Variants in ZHX2 observed in about 807,000 individuals in gnomAD.
The protein encoded by ZHX2 is zinc fingers and homeoboxes protein 2.
In ZHX2, 6 loss-of-function variants were observed where a neutral mutation model predicts 21.9. The observed-to-expected ratio is 0.27, with a 90% CI of 0.15 to 0.54. The LOEUF (loss-of-function observed/expected upper bound fraction) is 0.54. Ranked by LOEUF, ZHX2 falls within the 20% of genes least tolerant of loss-of-function variation. The probability of loss-of-function intolerance (pLI) is 0.95; values close to 1 mark genes in which losing one functional copy is unlikely to be tolerated. For synonymous variants in ZHX2, 434 were observed against 437.1 expected (o/e 0.99, Z 0.09); for missense variants, 908 against 1,090.7 (o/e 0.83, Z 2.36).
upstream of ZHX2, chr8:122,781,214 C>A (rs1299348905): frequency 1.3e-5 from 2 of 152,302 alleles, no homozygotes; most frequent in Non-Finnish European, 2.9e-5. This position sits in a 1 kb window ranked among gnomAD's most constrained non-coding sequence, Gnocchi z 4.6. Flanking sequence ...AGAGCCGGGC[C>A]TGCAAGCGCG....
At chr8:122,934,834 A>G (rs1489150980) in intron 2 of ZHX2, among the ~76,000 whole-genome samples, 1 of 152,114 alleles carries the variant, frequency 6.6e-6, no homozygotes, top group Non-Finnish European at 1.5e-5. Context: ...GATTGCAGGC[A>G]TGCACCACCA....
chr8:122,895,035 G>T (rs1174593897), intron 2 of ZHX2, among the ~76,000 whole-genome samples: 1 of 152,168 alleles, frequency 6.6e-6, no homozygotes, highest in African/African-American at 2.4e-5. Flanking sequence ...CTCTATTCCA[G>T]ATTTCAGCTG....
intron 2 of ZHX2, among the ~76,000 whole-genome samples, chr8:122,883,177 G>A (rs184793663): frequency 6.6e-6 from 1 of 152,194 alleles, no homozygotes; most frequent in African/African-American, 2.4e-5. Flanking sequence ...AACCATGCAG[G>A]CTTTCTCTTG....
intron 1 of ZHX2, chr8:122,808,969 T>C (rs1011674292): frequency 1.3e-5 from 2 of 152,232 alleles, no homozygotes; most frequent in Non-Finnish European, 2.9e-5. Context: ...CTCATTTTTT[T>C]ATAAAAGCTG....
intron 1 of ZHX2, among the ~76,000 whole-genome samples, chr8:122,847,275 C>T (rs879461194): frequency 3.9e-5 from 6 of 152,170 alleles, no homozygotes; most frequent in East Asian, 1.9e-4. Flanking sequence ...GCACTTCTCC[C>T]GTCAAGTCTG....
At chr8:122,806,974 A>G (rs1285443331) in intron 1 of ZHX2, among the ~76,000 whole-genome samples, 2 of 152,196 alleles carry the variant, frequency 1.3e-5, no homozygotes, top group Non-Finnish European at 2.9e-5. Context: ...ATCTCATGCC[A>G]GTTCGTCCCA....
At chr8:122,927,668 C>A (rs1820891939) in intron 2 of ZHX2, among the ~76,000 whole-genome samples, 1 of 152,160 alleles carries the variant, frequency 6.6e-6, no homozygotes, top group African/African-American at 2.4e-5. Flanking sequence ...ACCATCAGAT[C>A]TCATGAGACT....
At chr8:122,812,545 C>T (rs758717869) in intron 1 of ZHX2, among the ~76,000 whole-genome samples, 1 of 152,158 alleles carries the variant, frequency 6.6e-6, no homozygotes. Context: ...CCCTTTCTCT[C>T]ATGTCTCTGC....
chr8:122,844,959 C>G (rs892624266), intron 1 of ZHX2, among the ~76,000 whole-genome samples: 8 of 151,372 alleles, frequency 5.3e-5, no homozygotes, highest in Non-Finnish European at 8.9e-5. Context: ...GGCTTGGTGG[C>G]CTTACAGTTG....
At chr8:122,899,961 GT>G (rs1820189463) in intron 2 of ZHX2, among the ~76,000 whole-genome samples, 1 of 152,180 alleles carries the variant, frequency 6.6e-6, no homozygotes, top group Non-Finnish European at 1.5e-5. Context: ...GAGTTTAGGC[GT>G]TTTGGGAAAG....
intron 3 of ZHX2, among the ~76,000 whole-genome samples, chr8:122,970,399 A>C (rs1813689935): frequency 6.6e-6 from 1 of 152,292 alleles, no homozygotes; most frequent in Middle Eastern, 3.4e-3. Flanking sequence ...CAGGGAGCGG[A>C]TGGGGGGGTC....
intron 2 of ZHX2, among the ~76,000 whole-genome samples, chr8:122,884,392 G>A (rs1819789305): frequency 6.6e-6 from 1 of 152,210 alleles, no homozygotes. Flanking sequence ...TAATTTGTCA[G>A]TCACATTGGA....
At chr8:122,877,411 G>A (rs956641970) in intron 2 of ZHX2, among the ~76,000 whole-genome samples, 2 of 152,184 alleles carry the variant, frequency 1.3e-5, no homozygotes, top group Non-Finnish European at 2.9e-5. Flanking sequence ...CAGGCACTAT[G>A]TGAAGTGTTG....
intron 2 of ZHX2, among the ~76,000 whole-genome samples, chr8:122,870,662 AAAAAG>A (rs1382699325): frequency 0.036 from 4,583 of 125,844 alleles, 155 homozygotes; most frequent in African/African-American, 0.051. Flanking sequence ...AAAAAAAAAA[AAAAAG>A]AAAGAGAAAG....
chr8:122,810,064 T>C (rs1268853672), intron 1 of ZHX2, among the ~76,000 whole-genome samples: 1 of 152,186 alleles, frequency 6.6e-6, no homozygotes, highest in Non-Finnish European at 1.5e-5. Flanking sequence ...TATATATTTT[T>C]AAAGCCTCTT....
At chr8:122,831,015 A>T (rs1331088140) in intron 1 of ZHX2, among the ~76,000 whole-genome samples, 1 of 152,172 alleles carries the variant, frequency 6.6e-6, no homozygotes, top group Non-Finnish European at 1.5e-5. Context: ...AAGGATGTAG[A>T]GTCGCCTTGG....
intron 2 of ZHX2, among the ~76,000 whole-genome samples, chr8:122,932,150 C>T (rs528386268): frequency 3.1e-4 from 47 of 152,316 alleles, no homozygotes; most frequent in African/African-American, 1.0e-3. Context: ...AAGAGCAGCT[C>T]AGCTTCTCCA....
At chr8:122,937,899 T>TA (rs111229959) in intron 2 of ZHX2, among the ~76,000 whole-genome samples, 2 of 145,696 alleles carry the variant, frequency 1.4e-5, no homozygotes, top group African/African-American at 5.1e-5. Context: ...CTATTTTTTT[T>TA]ATTCATGTAT....
chr8:122,940,381 G>A (rs1032398471), intron 2 of ZHX2, among the ~76,000 whole-genome samples: 8 of 152,176 alleles, frequency 5.3e-5, no homozygotes, highest in South Asian at 2.1e-4. Context: ...GTCCAGACCC[G>A]GTCTACCTTC....
Sources: allele counts gnomAD v4.1 joint callset (sites outside exome capture counted in the v4.1 genomes callset), GRCh38; gene constraint gnomAD v4.1.1; non-coding constraint Gnocchi (gnomAD v3.1); transcripts MANE v1.5; gene names NCBI Gene and HGNC (gene_info 2026-07-23, HGNC 2026-07-21).